Variants in PTPRK observed in about 807,000 individuals in gnomAD.
PTPRK encodes the protein protein tyrosine phosphatase receptor type K, also known as receptor-type tyrosine-protein phosphatase kappa.
In PTPRK, 75 loss-of-function variants were observed where a neutral mutation model predicts 178.0. That is an observed-to-expected ratio of 0.42 (90% CI 0.35 to 0.51). The LOEUF (loss-of-function observed/expected upper bound fraction) is 0.51, where lower values mean the gene tolerates loss of function less well. Among genes scored for constraint, PTPRK ranks in the 20% least tolerant of loss-of-function variants. PTPRK has a pLI of 0.02. For missense variants in PTPRK, 1,441 were observed against 1,797.8 expected (o/e 0.80, Z 3.59); for synonymous variants, 637 against 620.6 (o/e 1.03, Z -0.39).
At chr6:128,170,704 T>C (rs925639426) in intron 7 of PTPRK, among the ~76,000 whole-genome samples, 1 of 151,934 alleles carries the variant, frequency 6.6e-6, no homozygotes, top group Non-Finnish European at 1.5e-5. Flanking sequence ...GAAGAAGAAA[T>C]TAAAACGACA....
chr6:128,444,218 C>T (rs1319034149), intron 1 of PTPRK, among the ~76,000 whole-genome samples: 5 of 152,126 alleles, frequency 3.3e-5, no homozygotes, highest in South Asian at 2.1e-4. Context: ...GAATGCCAGA[C>T]GTGAATAGCC....
At chr6:128,406,705 GTTTTAGTGAAACTTTTAAGATAATC>G (rs1442160016) in intron 1 of PTPRK, among the ~76,000 whole-genome samples, 1 of 152,178 alleles carries the variant, frequency 6.6e-6, no homozygotes, top group Non-Finnish European at 1.5e-5. Context: ...TTTAAGGGAA[GTTTTAGTGAAACTTTTAAGATAATC>G]TTTAAAGGTG....
chr6:128,501,363 C>T (rs1176765368), intron 1 of PTPRK, among the ~76,000 whole-genome samples: 1 of 151,818 alleles, frequency 6.6e-6, no homozygotes, highest in Non-Finnish European at 1.5e-5. Context: ...GGACTGTCAG[C>T]ACTTTGTCAT....
At chr6:128,082,407 A>G (rs1180504886) in intron 10 of PTPRK, 30 bp downstream of exon 10, 1 of 1,551,456 alleles carries the variant, frequency 6.4e-7, no homozygotes, top group African/African-American at 1.4e-5. Flanking sequence ...GGCATAATCA[A>G]TCCTATTTGT....
chr6:128,089,567 T>C, intron 8 of PTPRK, 123 bp downstream of exon 8: 2 of 1,078,422 alleles, frequency 1.9e-6, no homozygotes, highest in East Asian at 4.9e-5. Flanking sequence ...TTAATCTCAT[T>C]AATAACATTT....
intron 7 of PTPRK, among the ~76,000 whole-genome samples, chr6:128,126,429 T>G (rs1293573195): frequency 2.0e-5 from 3 of 152,196 alleles, no homozygotes; most frequent in Non-Finnish European, 4.4e-5. Context: ...TTTTGGTGAT[T>G]TTATATAAAG....
chr6:128,200,909 G>GAGGA (rs1274462635), intron 6 of PTPRK, among the ~76,000 whole-genome samples: 4 of 108,482 alleles, frequency 3.7e-5, no homozygotes, highest in South Asian at 9.6e-4. Flanking sequence ...GGGAGGGAGG[G>GAGGA]AGGGAGGGAG....
At position 128,339,063 on chromosome 6, in the gene PTPRK, TAA is replaced by T. The variant is rs753104960; in HGVS notation, c.224-16755_224-16754del. 2.8e-3 allele frequency among the ~76,000 whole-genome samples: 430 copies of T among 152,212 alleles called. 2 individuals are homozygous for T. The highest frequency in any genetic ancestry group is 6.8e-3 in the Middle Eastern group (2 of 294). On this transcript the variant is annotated intron_variant, in intron 2 of 29. Coordinates refer to ENST00000368226, the MANE Select transcript of PTPRK (RefSeq NM_002844.4). ...TCTTAAATATTTTATAAATAAAATA[TAA>T]GAGTCAATTTACTTTATCAAAATAA...
intron 2 of PTPRK, among the ~76,000 whole-genome samples, chr6:128,389,275 G>C (rs915652140): frequency 6.6e-5 from 10 of 151,668 alleles, no homozygotes; most frequent in African/African-American, 1.9e-4. Context: ...TCTTTTATAT[G>C]TAATGATAAT....
intron 3 of PTPRK, among the ~76,000 whole-genome samples, chr6:128,284,401 T>C (rs1371418783): frequency 6.6e-6 from 1 of 152,228 alleles, no homozygotes; most frequent in Admixed American, 6.5e-5. Context: ...AATCACATGA[T>C]ACTTTTCACA....
intron 1 of PTPRK, among the ~76,000 whole-genome samples, chr6:128,463,999 C>T (rs1369336892): frequency 6.6e-6 from 1 of 151,930 alleles, no homozygotes; most frequent in African/African-American, 2.4e-5. Flanking sequence ...AGGCGATCTG[C>T]CTGCCTCAGC....
At chr6:128,219,290 A>C (rs1809959600) in intron 5 of PTPRK, among the ~76,000 whole-genome samples, 194 bp from the exon 6 acceptor site, 1 of 152,042 alleles carries the variant, frequency 6.6e-6, no homozygotes, top group South Asian at 2.1e-4. Flanking sequence ...CCTTTTCGGC[A>C]CAAAAGACCA....
At position 128,312,158 on chromosome 6, in the gene PTPRK, C is replaced by A. The variant is rs190842855; in HGVS notation, c.495+9881G>T. On this transcript the variant is annotated intron_variant, in intron 3 of 29. Transcript: ENST00000368226. ...AATTCTTCTTGGCCACTTTGTACAG[C>A]ATTTCTTCCTCCTGGGTACAGGGCA... Among the ~76,000 whole-genome samples the A allele has an allele frequency of 8.4e-3, 1,278 of 152,282 alleles. 13 individuals carry two copies. Among genetic ancestry groups the A allele is most frequent in the Middle Eastern group, 0.014 (4 of 294 alleles).
chr6:128,114,185 T>A (rs987983138), intron 7 of PTPRK, among the ~76,000 whole-genome samples: 5 of 152,062 alleles, frequency 3.3e-5, no homozygotes, highest in African/African-American at 9.7e-5. Flanking sequence ...AAAAAAGGTT[T>A]AACTGACTCA....
chr6:128,390,573 C>T (rs1338698776), intron 2 of PTPRK, among the ~76,000 whole-genome samples: 1 of 152,044 alleles, frequency 6.6e-6, no homozygotes, highest in East Asian at 1.9e-4. Flanking sequence ...TAAATAAATG[C>T]CCATGCCCAA....
At chr6:128,115,051 T>C (rs1466886714) in intron 7 of PTPRK, among the ~76,000 whole-genome samples, 1 of 152,000 alleles carries the variant, frequency 6.6e-6, no homozygotes, top group Admixed American at 6.6e-5. Context: ...ATTATGTCAC[T>C]CCTCTACTCT....
chr6:128,207,270 C>T (rs1009516028), intron 6 of PTPRK, among the ~76,000 whole-genome samples: 4 of 152,122 alleles, frequency 2.6e-5, no homozygotes, highest in African/African-American at 4.8e-5. Context: ...TCCTGATTCA[C>T]AGCTAAGTAC....
At chr6:127,991,198 TA>T in intron 20 of PTPRK, 95 bp downstream of exon 20, 2 of 948,610 alleles carry the variant, frequency 2.1e-6, no homozygotes, top group Non-Finnish European at 3.0e-6. Context: ...TAATTTTTTT[TA>T]AACAATTGGA....
At chr6:127,974,083 T>C (rs181699853) in intron 27 of PTPRK, among the ~76,000 whole-genome samples, 23 of 152,314 alleles carry the variant, frequency 1.5e-4, no homozygotes, top group Admixed American at 1.4e-3. Flanking sequence ...ATTTCCTAAA[T>C]AACTTTCAGA....
Sources: allele counts gnomAD v4.1 joint callset (sites outside exome capture counted in the v4.1 genomes callset), GRCh38; gene constraint gnomAD v4.1.1; transcripts MANE v1.5; gene names NCBI Gene and HGNC (gene_info 2026-07-23, HGNC 2026-07-21).